Variants in H4C16 observed in about 807,000 individuals in gnomAD.
H4C16 encodes H4 histone 16, also known as histone H4.
chr12:14,770,796 T>C, the H4C16 span: 4 of 1,613,226 alleles, frequency 2.5e-6, no homozygotes, highest in African/African-American at 4.0e-5. Flanking sequence ...CCATAAAGGG[T>C]GCGACCCTGG....
the H4C16 span, chr12:14,771,011 TC>T: frequency 1.2e-6 from 2 of 1,614,178 alleles, no homozygotes; most frequent in Non-Finnish European, 1.7e-6. Flanking sequence ...TTGGATATTG[TC>T]CCGCAGCACC....
chr12:14,771,085 T>C, the H4C16 span: 1 of 1,586,598 alleles, frequency 6.3e-7, no homozygotes, highest in Non-Finnish European at 8.6e-7. Context: ...GCCCAGACAT[T>C]CTGAAATCAC....
At chr12:14,770,932 G>A in the H4C16 span, 8 of 1,614,230 alleles carry the variant, frequency 5.0e-6, no homozygotes, top group South Asian at 8.8e-5. Flanking sequence ...TCTCCTCGTA[G>A]ATGAGACCAG....
the H4C16 span, chr12:14,771,092 T>A: frequency 1.3e-6 from 2 of 1,581,626 alleles, no homozygotes; most frequent in African/African-American, 1.4e-5. Context: ...CATTCTGAAA[T>A]CACAGCGCCT....
At chr12:14,770,957 C>T in the H4C16 span, 1 of 1,614,222 alleles carries the variant, frequency 6.2e-7, no homozygotes, top group South Asian at 1.1e-5. Flanking sequence ...GCGCTTGACG[C>T]CCCCACGTCG....
chr12:14,770,883 G>A, the H4C16 span: 18 of 1,614,048 alleles, frequency 1.1e-5, no homozygotes, highest in South Asian at 2.0e-4. Context: ...ACCGCGTCAC[G>A]GATCACGTTC....
At chr12:14,770,797 G>A in the H4C16 span, 2 of 1,613,616 alleles carry the variant, frequency 1.2e-6, no homozygotes, top group South Asian at 2.2e-5. Context: ...CATAAAGGGT[G>A]CGACCCTGGC....
the H4C16 span, chr12:14,770,850 G>A: frequency 1.9e-6 from 3 of 1,614,194 alleles, no homozygotes; most frequent in Non-Finnish European, 1.7e-6. Context: ...ACGGTCTTGC[G>A]CTTGGCGTGC....
the H4C16 span, chr12:14,770,729 T>C: frequency 3.9e-6 from 6 of 1,538,592 alleles, no homozygotes; most frequent in African/African-American, 5.6e-5. Context: ...TTGGGGGCCC[T>C]GAAAAGGGCC....
the H4C16 span, chr12:14,770,995 A>C: frequency 6.2e-7 from 1 of 1,614,132 alleles, no homozygotes; most frequent in Non-Finnish European, 8.5e-7. Flanking sequence ...CCGGCTTTGT[A>C]ATGCCTTGGA....
At chr12:14,770,794 G>A in the H4C16 span, 5 of 1,613,440 alleles carry the variant, frequency 3.1e-6, no homozygotes, top group Non-Finnish European at 4.2e-6. Flanking sequence ...AACCATAAAG[G>A]GTGCGACCCT....
the H4C16 span, chr12:14,770,814 G>A: frequency 6.2e-7 from 1 of 1,614,008 alleles, no homozygotes; most frequent in Non-Finnish European, 8.5e-7. Flanking sequence ...TGGCGTTTCA[G>A]CGCGTACACC....
chr12:14,770,904 CTT>C, the H4C16 span: 6 of 1,614,238 alleles, frequency 3.7e-6, no homozygotes, highest in Non-Finnish European at 5.1e-6. Flanking sequence ...TCCAGGAAGA[CTT>C]TGAGGACTCC....
At chr12:14,771,115 A>G in the H4C16 span, 3 of 1,558,898 alleles carry the variant, frequency 1.9e-6, no homozygotes, top group Non-Finnish European at 2.6e-6. Context: ...TCAGCAGAAA[A>G]TCGGGCTGCC....
chr12:14,771,040 G>A, the H4C16 span: 4 of 1,612,908 alleles, frequency 2.5e-6, no homozygotes, highest in East Asian at 2.2e-5. Flanking sequence ...GGCGCTTGGC[G>A]CCTCCCTTAC....
the H4C16 span, chr12:14,770,792 A>C: frequency 6.2e-7 from 1 of 1,613,200 alleles, no homozygotes; most frequent in Non-Finnish European, 8.5e-7. Context: ...GAAACCATAA[A>C]GGGTGCGACC....
chr12:14,771,041 C>T, the H4C16 span: 1 of 1,611,386 alleles, frequency 6.2e-7, no homozygotes, highest in Non-Finnish European at 8.5e-7. Context: ...GCGCTTGGCG[C>T]CTCCCTTACC....
chr12:14,770,829 C>G, the H4C16 span: 4 of 1,614,168 alleles, frequency 2.5e-6, no homozygotes, highest in South Asian at 4.4e-5. Context: ...TACACCACAT[C>G]CATGGCCGTG....
chr12:14,770,962 ACGTCGGGCGAGACGGCGAAT>A, the H4C16 span: 6 of 1,614,180 alleles, frequency 3.7e-6, no homozygotes, highest in Non-Finnish European at 5.1e-6. Context: ...TGACGCCCCC[ACGTCGGGCGAGACGGCGAAT>A]CGCCGGCTTT....
Sources: gnomAD v4.1 joint callset for allele counts on GRCh38, gnomAD v4.1.1 for gene constraint, MANE v1.5 for transcripts, NCBI Gene and HGNC (gene_info 2026-07-23, HGNC 2026-07-21) for gene names.